The following GABBR2 variants were observed in gnomAD, a reference collection of about 807,000 sequenced individuals.
The protein encoded by GABBR2 is G-protein coupled receptor 51.
In GABBR2, 23 loss-of-function variants were observed where a neutral mutation model predicts 105.6. The ratio of observed to expected loss-of-function variants is 0.22; its 90% CI spans 0.16 to 0.31. GABBR2 has a LOEUF of 0.31. GABBR2 is among the 10% of genes least tolerant of loss of function. The probability of loss-of-function intolerance (pLI) is 1.00; values close to 1 mark genes in which losing one functional copy is unlikely to be tolerated. For missense variants in GABBR2, 734 were observed against 1,245.5 expected (o/e 0.59, Z 6.18); for synonymous variants, 478 against 499.7 (o/e 0.96, Z 0.58).
chr9:98,493,669 A>G (rs1191344551), intron 4 of GABBR2, among the ~76,000 whole-genome samples: 2 of 152,124 alleles, frequency 1.3e-5, no homozygotes, highest in African/African-American at 4.8e-5. Flanking sequence ...CTCCTTCTCC[A>G]TCTTATCCCA....
chr9:98,607,416 A>T, intron 1 of GABBR2: 1 of 644,522 alleles, frequency 1.6e-6, no homozygotes, highest in South Asian at 1.8e-5. Context: ...CACAGAAGAC[A>T]CACTCACACC....
chr9:98,669,214 T>G (rs1830376334), intron 1 of GABBR2, among the ~76,000 whole-genome samples: 1 of 152,224 alleles, frequency 6.6e-6, no homozygotes, highest in African/African-American at 2.4e-5. Context: ...TCATTTTGTT[T>G]GCTTCTGTGG....
At chr9:98,460,191 A>G (rs1363908183) in intron 6 of GABBR2, among the ~76,000 whole-genome samples, 3 of 152,166 alleles carry the variant, frequency 2.0e-5, no homozygotes, top group African/African-American at 4.8e-5. Context: ...AGATCACCTG[A>G]GGTCAGGAGT....
intron 7 of GABBR2, among the ~76,000 whole-genome samples, chr9:98,447,751 A>C (rs986647001): frequency 6.6e-6 from 1 of 152,012 alleles, no homozygotes; most frequent in African/African-American, 2.4e-5. Context: ...GAGTACTTGG[A>C]ATTCCAGCCA....
intron 7 of GABBR2, among the ~76,000 whole-genome samples, chr9:98,429,696 T>TAG (rs1172554127): frequency 1.3e-5 from 2 of 152,156 alleles, no homozygotes; most frequent in Admixed American, 6.5e-5. Flanking sequence ...GACAAGCCAT[T>TAG]CACTCAGTGT....
At chr9:98,411,982 A>G (rs1832598946) in intron 7 of GABBR2, among the ~76,000 whole-genome samples, 1 of 152,218 alleles carries the variant, frequency 6.6e-6, no homozygotes, top group Non-Finnish European at 1.5e-5. Flanking sequence ...TCCTCTTAGA[A>G]AAACTAATTC....
chr9:98,387,303 C>T (rs1039464505), intron 10 of GABBR2, among the ~76,000 whole-genome samples: 16 of 152,150 alleles, frequency 1.1e-4, no homozygotes, highest in Non-Finnish European at 2.2e-4. Context: ...TAACTTTCCC[C>T]CAGGAGGCCA....
rs551597634 is a variant in GABBR2 at position 98,435,354 on chromosome 9, G to T, written c.1236+18627C>A. 6.0e-4 allele frequency among the ~76,000 whole-genome samples: 91 copies of T among 152,242 alleles called. 3 individuals are homozygous for T. In the South Asian group the frequency reaches 6.2e-3, roughly 10 times the overall value. ...ATTCAGTTCAAAATGGAAAGTAATT[G>T]CATTAGGAGCACACCCTCCATCATC... On this transcript the variant is annotated intron_variant, in intron 7 of 18. Transcript: ENST00000259455.
chr9:98,555,565 C>T (rs935548132), intron 2 of GABBR2: 4 of 152,174 alleles, frequency 2.6e-5, no homozygotes, highest in Non-Finnish European at 4.4e-5. Context: ...TCCTCGGCTC[C>T]TTTGCACTTG....
rs1829695016 is a variant in GABBR2, at chr9:98,623,461, A to T, written c.322-45389T>A. On this transcript the variant is annotated intron_variant, in intron 1 of 18. Coordinates refer to ENST00000259455, the MANE Select transcript of GABBR2 (RefSeq NM_005458.8). ...AATAAATAAAATATTTTTAAAAAAC[A>T]TACAAAAACGCATAATTGTCTTACA... Among the ~76,000 whole-genome samples the T allele has an allele frequency of 2.0e-5, 3 of 152,352 alleles. No homozygotes were observed. In the South Asian group the frequency reaches 6.2e-4, roughly 32 times the overall value.
chr9:98,292,062 G>A (rs907806898), intron 18 of GABBR2, among the ~76,000 whole-genome samples: 8 of 152,156 alleles, frequency 5.3e-5, no homozygotes, highest in Admixed American at 1.3e-4. Flanking sequence ...GGCTGCTTGC[G>A]GCAAATGTGC....
At chr9:98,536,311 C>CA (rs1373676372) in intron 3 of GABBR2, among the ~76,000 whole-genome samples, 2 of 152,034 alleles carry the variant, frequency 1.3e-5, no homozygotes, top group African/African-American at 4.8e-5. Context: ...TCAACTGGCC[C>CA]AATTCTCTTA....
chr9:98,648,748 C>T (rs533857905), intron 1 of GABBR2, among the ~76,000 whole-genome samples: 8 of 152,168 alleles, frequency 5.3e-5, no homozygotes, highest in Admixed American at 1.3e-4. Flanking sequence ...ACAGAATGAA[C>T]CTTTCGAGAA....
chr9:98,473,038 T>G, intron 6 of GABBR2, 108 bp downstream of exon 6: 1 of 801,416 alleles, frequency 1.2e-6, no homozygotes, highest in Non-Finnish European at 2.1e-6. Flanking sequence ...TCAAGTGATT[T>G]GCTCAAAGTG....
chr9:98,584,737 A>G (rs1829045255), intron 1 of GABBR2, among the ~76,000 whole-genome samples: 1 of 152,230 alleles, frequency 6.6e-6, no homozygotes, highest in African/African-American at 2.4e-5. Context: ...AACCCATCTG[A>G]AACTGGGAAT....
chr9:98,551,173 T>C (rs1433060010), intron 2 of GABBR2, among the ~76,000 whole-genome samples: 2 of 151,888 alleles, frequency 1.3e-5, no homozygotes, highest in Non-Finnish European at 2.9e-5. Flanking sequence ...GAGGCCGAGG[T>C]GCGTAGATCA....
intron 2 of GABBR2, among the ~76,000 whole-genome samples, chr9:98,545,981 G>A (rs1337430794): frequency 6.6e-6 from 1 of 152,180 alleles, no homozygotes; most frequent in Admixed American, 6.5e-5. Context: ...GATTGTGATT[G>A]AGGCTTTGAG....
intron 12 of GABBR2, among the ~76,000 whole-genome samples, chr9:98,366,891 C>A (rs1199115138): frequency 6.6e-6 from 1 of 152,090 alleles, no homozygotes; most frequent in Non-Finnish European, 1.5e-5. Flanking sequence ...GCATCTGCCC[C>A]CAGAACAGAA....
chr9:98,493,948 T>G (rs73505055), intron 4 of GABBR2, among the ~76,000 whole-genome samples: 7,826 of 152,208 alleles, frequency 0.051, 689 homozygotes, highest in African/African-American at 0.18. Context: ...GTAAAATGAA[T>G]AGAAGTCCAG....
Sources: allele counts gnomAD v4.1 joint callset (sites outside exome capture counted in the v4.1 genomes callset), GRCh38; gene constraint gnomAD v4.1.1; transcripts MANE v1.5; gene names NCBI Gene and HGNC (gene_info 2026-07-23, HGNC 2026-07-21).